Variants in FMNL2 observed in about 807,000 individuals in gnomAD.
The protein encoded by FMNL2 is formin like 2.
A neutral mutation model predicts 130.2 loss-of-function variants in FMNL2; 51 were observed. That is an observed-to-expected ratio of 0.39 (90% CI 0.31 to 0.49). The LOEUF is 0.49. Ranked by LOEUF, FMNL2 falls within the 20% of genes least tolerant of loss-of-function variation. FMNL2 has a pLI of 0.85. For missense variants in FMNL2, 977 were observed against 1,316.2 expected, an observed-to-expected ratio of 0.74 and a Z score of 3.99; for synonymous variants, 465 against 467.1, an observed-to-expected ratio of 1.00 and a Z score of 0.06.
intron 25 of FMNL2, among the ~76,000 whole-genome samples, chr2:152,641,149 G>C (rs1559034027): frequency 6.6e-6 from 1 of 152,142 alleles, no homozygotes; most frequent in Non-Finnish European, 1.5e-5. Flanking sequence ...TCATTTAAAG[G>C]ATTTCCATTG....
At chr2:152,529,872 T>C (rs564681223) in intron 2 of FMNL2, among the ~76,000 whole-genome samples, 6 of 152,324 alleles carry the variant, frequency 3.9e-5, no homozygotes, top group African/African-American at 1.4e-4. Flanking sequence ...TCAGAAATGC[T>C]GTTTGGTATT....
At chr2:152,503,885 C>G (rs7562904) in intron 1 of FMNL2, among the ~76,000 whole-genome samples, 3,721 of 152,258 alleles carry the variant, frequency 0.024, 158 homozygotes, top group African/African-American at 0.085. Context: ...ACTGTTTACA[C>G]ATTCCACAAT....
chr2:152,521,069 A>G (rs924271469), intron 1 of FMNL2, among the ~76,000 whole-genome samples: 1 of 152,224 alleles, frequency 6.6e-6, no homozygotes, highest in African/African-American at 2.4e-5. Context: ...TGTTTAGCAC[A>G]TGAGAACTTT....
chr2:152,465,123 G>A (rs951587304), intron 1 of FMNL2, among the ~76,000 whole-genome samples: 1 of 152,222 alleles, frequency 6.6e-6, no homozygotes, highest in Non-Finnish European at 1.5e-5. Context: ...CGCAAGTAGT[G>A]AACTACCAGC....
chr2:152,507,686 A>G (rs1200226752), intron 1 of FMNL2, among the ~76,000 whole-genome samples: 1 of 152,184 alleles, frequency 6.6e-6, no homozygotes, highest in Non-Finnish European at 1.5e-5. Flanking sequence ...CTTTGTCTGC[A>G]GCCACAGCCT....
chr2:152,542,917 C>T (rs1694394504), intron 3 of FMNL2, 98 bp downstream of exon 3: 5 of 1,339,806 alleles, frequency 3.7e-6, no homozygotes, highest in South Asian at 1.2e-5. Context: ...GCATTAGAGC[C>T]TCTGCCAGAG....
At chr2:152,557,324 T>C (rs754713438) in intron 4 of FMNL2, among the ~76,000 whole-genome samples, 5 of 152,198 alleles carry the variant, frequency 3.3e-5, no homozygotes, top group Non-Finnish European at 7.3e-5. Flanking sequence ...GGTGGTATTT[T>C]CTTTGCCACC....
At position 152,632,016 on chromosome 2, in the gene FMNL2, T is replaced by C. The variant is rs1682205429; in HGVS notation, c.2559T>C (p.Asp853=). Residue 853 remains aspartate, a synonymous_variant, in exon 21 of 26, where the codon GAT becomes GAC. Coordinates refer to ENST00000288670, the MANE Select transcript of FMNL2 (RefSeq NM_052905.4). ...FKLQSLDLLL[D]TKSTDRKQTL... ...TTCCCTTTTGTTTTCAGCTCTTAGA[T>C]ACAAAGTCAACAGACAGAAAGCAAA... 2 of 1,611,382 alleles carry C rather than the reference T, an allele frequency of 1.2e-6. No homozygotes were observed. The highest frequency in any genetic ancestry group is 4.5e-5 in the East Asian group (2 of 44,796).
At chr2:152,570,306 A>G (rs895272697) in intron 6 of FMNL2, among the ~76,000 whole-genome samples, 2 of 152,208 alleles carry the variant, frequency 1.3e-5, no homozygotes, top group African/African-American at 2.4e-5. Flanking sequence ...TGCTAGGGTA[A>G]CATTTAGAGT....
intron 9 of FMNL2, among the ~76,000 whole-genome samples, chr2:152,589,248 T>A (rs1697250539): frequency 6.6e-6 from 1 of 152,126 alleles, no homozygotes; most frequent in Admixed American, 6.6e-5. Flanking sequence ...CACGCAAGCC[T>A]GAGTACAATT....
chr2:152,440,196 C>T (rs1687983043), intron 1 of FMNL2, among the ~76,000 whole-genome samples: 1 of 152,152 alleles, frequency 6.6e-6, no homozygotes, highest in Admixed American at 6.5e-5. Flanking sequence ...CTCAAGTGAT[C>T]CTCTTGACTC....
At chr2:152,413,441 A>G (rs1021407251) in intron 1 of FMNL2, among the ~76,000 whole-genome samples, 8 of 152,200 alleles carry the variant, frequency 5.3e-5, no homozygotes, top group African/African-American at 1.9e-4. Context: ...TGATACTTTT[A>G]GAACTCATTA....
chr2:152,506,003 C>T (rs1000263428), intron 1 of FMNL2, among the ~76,000 whole-genome samples: 7 of 152,024 alleles, frequency 4.6e-5, no homozygotes, highest in African/African-American at 9.7e-5. Flanking sequence ...GTTTTGAAAC[C>T]GTGTTTAGTC....
intron 1 of FMNL2, among the ~76,000 whole-genome samples, chr2:152,354,103 G>A (rs910902985): frequency 2.6e-5 from 4 of 152,166 alleles, no homozygotes; most frequent in African/African-American, 9.7e-5. Flanking sequence ...AGGGCATTGG[G>A]CTATTCCATT....
chr2:152,352,619 C>G (rs1682559301), intron 1 of FMNL2, among the ~76,000 whole-genome samples: 1 of 152,088 alleles, frequency 6.6e-6, no homozygotes, highest in Non-Finnish European at 1.5e-5. Context: ...AACTACATAT[C>G]CTTCAGAAAA....
intron 1 of FMNL2, among the ~76,000 whole-genome samples, chr2:152,360,204 T>C (rs1683081114): frequency 6.6e-6 from 1 of 152,264 alleles, no homozygotes; most frequent in Admixed American, 6.5e-5. Context: ...ACTTGTTGAA[T>C]AGTAAGTGAA....
At chr2:152,450,958 G>T (rs1688608275) in intron 1 of FMNL2, among the ~76,000 whole-genome samples, 1 of 152,224 alleles carries the variant, frequency 6.6e-6, no homozygotes, top group Non-Finnish European at 1.5e-5. Context: ...TCCAGGTCAT[G>T]CCCTTACCCC....
At chr2:152,579,497 G>A (rs61698095) in intron 8 of FMNL2, among the ~76,000 whole-genome samples, 21,216 of 152,074 alleles carry the variant, frequency 0.14, 1,665 homozygotes, top group African/African-American at 0.18. Context: ...CAGGAGTTGC[G>A]ACCAGCCTGG....
rs1304428650 is a variant in FMNL2, at chr2:152,636,547, A to C, written c.2801A>C (p.Glu934Ala). 1 of 1,582,338 alleles carries C rather than the reference A, an allele frequency of 6.3e-7. No individual in the cohort carries two copies. The highest frequency in any genetic ancestry group is 1.3e-5 in the African/African-American group (1 of 74,404). ...CTGAAGGAGTTCATCCTCAACAATG[A>C]GGGGAAGCTGAAGAAGCTGCAGGAT... is the stretch of plus-strand genomic sequence containing the variant. The part of the protein sequence containing the change: ...TLLKEFILNN[E>A]GKLKKLQDDA... The change falls in exon 22 of 26, where the codon GAG (glutamate) becomes GCG (alanine). Residue 934 changes from glutamate (E) to alanine (A), a missense_variant. Around this residue, in one of 4 missense-constraint regions of FMNL2, gnomAD observed 689 missense variants for 995.9 expected, o/e 0.69. Coordinates refer to ENST00000288670, the MANE Select transcript of FMNL2 (RefSeq NM_052905.4).
Sources: allele counts gnomAD v4.1 joint callset (sites outside exome capture counted in the v4.1 genomes callset), GRCh38; gene constraint gnomAD v4.1.1; regional missense constraint gnomAD v4.1.1; transcripts MANE v1.5; gene names NCBI Gene and HGNC (gene_info 2026-07-23, HGNC 2026-07-21).